Variants in GLRX3 observed in about 807,000 individuals in gnomAD.
GLRX3 encodes glutaredoxin 3.
Under a neutral mutation model 49.5 loss-of-function variants are expected in GLRX3, and 22 were observed. That is an observed-to-expected ratio of 0.44 (90% CI 0.32 to 0.63). The LOEUF (loss-of-function observed/expected upper bound fraction) is 0.63. Ranked by LOEUF, GLRX3 falls within the 30% of genes least tolerant of loss-of-function variation. The pLI is 0.05. For missense variants in GLRX3, 385 were observed against 396.3 expected (o/e 0.97, Z 0.24); for synonymous variants, 133 against 140.0 (o/e 0.95, Z 0.35).
intron 1 of GLRX3, 64 bp from the exon 2 acceptor site, chr10:130,145,147 A>G: frequency 1.6e-6 from 1 of 628,296 alleles, no homozygotes; most frequent in Non-Finnish European, 2.8e-6. Context: ...GGTAATTTAT[A>G]TCAGTATTTG....
At chr10:130,142,938 C>T (rs1862202465) in intron 1 of GLRX3, among the ~76,000 whole-genome samples, 1 of 152,244 alleles carries the variant, frequency 6.6e-6, no homozygotes, top group Admixed American at 6.5e-5. Context: ...CTGTGTCCCT[C>T]TGTAACCCTT....
intron 2 of GLRX3, among the ~76,000 whole-genome samples, chr10:130,158,001 G>T (rs1368932495): frequency 6.6e-6 from 1 of 152,098 alleles, no homozygotes; most frequent in Non-Finnish European, 1.5e-5. Context: ...GAACTCTTTT[G>T]CCTTAAATGA....
intron 2 of GLRX3, among the ~76,000 whole-genome samples, chr10:130,145,631 C>T (rs1020565347): frequency 3.3e-5 from 5 of 151,878 alleles, no homozygotes; most frequent in African/African-American, 1.2e-4. Context: ...CACTGCACTC[C>T]AGCCTGGGTG....
At chr10:130,154,491 A>T (rs1361754869) in intron 2 of GLRX3, among the ~76,000 whole-genome samples, 2 of 152,168 alleles carry the variant, frequency 1.3e-5, no homozygotes, top group African/African-American at 4.8e-5. Context: ...TAAACTATCA[A>T]AACTGTTAAT....
intron 10 of GLRX3, among the ~76,000 whole-genome samples, chr10:130,175,852 G>A (rs1363433531): frequency 1.3e-5 from 2 of 152,212 alleles, no homozygotes. Context: ...TGCACCCCAG[G>A]CCCACTGTGG....
chr10:130,159,422 G>T (rs1862534522), intron 2 of GLRX3, among the ~76,000 whole-genome samples: 1 of 152,172 alleles, frequency 6.6e-6, no homozygotes, highest in Non-Finnish European at 1.5e-5. Context: ...TAAATAGACC[G>T]GAAGCAAGTA....
intron 2 of GLRX3, among the ~76,000 whole-genome samples, chr10:130,154,968 G>T (rs1479109882): frequency 6.6e-5 from 10 of 152,132 alleles, no homozygotes; most frequent in African/African-American, 2.4e-4. Flanking sequence ...CTAAGGAAGA[G>T]AGATCTTTCT....
At position 130,174,847 on chromosome 10, in the gene GLRX3, A is replaced by T. The variant is rs1197245017; in HGVS notation, c.825-20A>T. 13 of 1,498,006 alleles carry T rather than the reference A, an allele frequency of 8.7e-6. No individual in the cohort carries two copies. The highest frequency in any genetic ancestry group is 1.7e-4 in the Middle Eastern group (1 of 5,716). 92.8% of individuals were successfully genotyped at this position (1,498,006 alleles called of 1,614,324 possible). ...TGATTTAACTGTATTTCCAGTTAAAATGTCTTCTCTTTTTTGCAGTGTTGA... is the reference window on the plus strand; with the variant it reads ...TGATTTAACTGTATTTCCAGTTAAATTGTCTTCTCTTTTTTGCAGTGTTGA... On this transcript the variant is annotated intron_variant, in intron 8 of 10. Coordinates refer to ENST00000331244, the MANE Select transcript of GLRX3 (RefSeq NM_006541.5).
At chr10:130,179,258 A>G in intron 10 of GLRX3, 84 bp from the exon 11 acceptor site, 1 of 692,978 alleles carries the variant, frequency 1.4e-6, no homozygotes, top group Non-Finnish European at 2.5e-6. Context: ...GTTCTCAGAT[A>G]TACATACAAG....
At chr10:130,161,035 G>C in intron 4 of GLRX3, 38 bp downstream of exon 4, 1 of 1,452,048 alleles carries the variant, frequency 6.9e-7, no homozygotes, top group Non-Finnish European at 9.6e-7. Context: ...AACAAAATGG[G>C]TGCTTTCCCA....
chr10:130,172,003 C>T (rs1432363000), intron 8 of GLRX3, among the ~76,000 whole-genome samples: 2 of 152,266 alleles, frequency 1.3e-5, no homozygotes, highest in East Asian at 3.9e-4. Flanking sequence ...TCAGTTCTGC[C>T]ACTGATACTT....
chr10:130,164,220 C>T (rs1433514518), intron 4 of GLRX3, among the ~76,000 whole-genome samples: 3 of 152,076 alleles, frequency 2.0e-5, no homozygotes, highest in African/African-American at 7.2e-5. Context: ...ATTGGATTGT[C>T]CTTACTCTGT....
At chr10:130,178,265 C>T (rs995822703) in intron 10 of GLRX3, among the ~76,000 whole-genome samples, 3 of 151,596 alleles carry the variant, frequency 2.0e-5, no homozygotes, top group East Asian at 1.9e-4. Flanking sequence ...TCCTTTTTTT[C>T]GAGACAGAGT....
intron 1 of GLRX3, among the ~76,000 whole-genome samples, chr10:130,136,977 G>A (rs549736260): frequency 6.6e-6 from 1 of 152,240 alleles, no homozygotes; most frequent in South Asian, 2.1e-4. Flanking sequence ...GGGAGGGAGC[G>A]GCAGGCTCGG....
intron 2 of GLRX3, among the ~76,000 whole-genome samples, chr10:130,150,599 C>G (rs1326042483): frequency 2.6e-5 from 4 of 152,070 alleles, no homozygotes; most frequent in Non-Finnish European, 4.4e-5. Flanking sequence ...AAACAAGAAT[C>G]TTTATTCTTA....
At chr10:130,167,001 C>T in intron 6 of GLRX3, 21 bp downstream of exon 6, 2 of 1,332,916 alleles carry the variant, frequency 1.5e-6, no homozygotes, top group Non-Finnish European at 2.1e-6. Context: ...TAGAAGGTTT[C>T]AAATAGCCTA....
intron 2 of GLRX3, among the ~76,000 whole-genome samples, chr10:130,154,184 T>C (rs1433029364): frequency 6.6e-6 from 1 of 152,164 alleles, no homozygotes; most frequent in Non-Finnish European, 1.5e-5. Context: ...GCAAAGACTG[T>C]GGGTAAAGCG....
intron 1 of GLRX3, among the ~76,000 whole-genome samples, chr10:130,138,855 T>G (rs1296084567): frequency 1.4e-5 from 2 of 147,054 alleles, no homozygotes; most frequent in African/African-American, 2.5e-5. Flanking sequence ...GTGTTTTTTT[T>G]TTTTTTTTTT....
At position 130,145,083 on chromosome 10, in the gene GLRX3, A is replaced by G. The variant is rs192836219; in HGVS notation, c.93-128A>G. On this transcript the variant is annotated intron_variant, in intron 1 of 10. Transcript: ENST00000331244. The stretch of plus-strand genomic sequence containing the variant: ...CCAGTGTTGTATACAACAAAATTCT[A>G]GCAATATGAAAAACTTCAGACGGTT... The G allele has an allele frequency of 6.1e-6, 3 of 488,708 alleles. No individual in the cohort carries two copies. In the East Asian group the frequency reaches 9.0e-5, roughly 15 times the overall value. 30.3% of individuals were successfully genotyped at this position (488,708 alleles called of 1,614,324 possible).
Sources: gnomAD v4.1 joint callset for allele counts (sites outside exome capture counted in the v4.1 genomes callset) on GRCh38, gnomAD v4.1.1 for gene constraint, MANE v1.5 for transcripts, NCBI Gene and HGNC (gene_info 2026-07-23, HGNC 2026-07-21) for gene names.